Variants in DPP10 observed in about 807,000 individuals in gnomAD.
DPP10 encodes dipeptidyl peptidase like 10.
Under a neutral mutation model 120.9 loss-of-function variants are expected in DPP10, and 33 were observed. The ratio of observed to expected loss-of-function variants is 0.27; its 90% CI spans 0.21 to 0.37. The LOEUF (loss-of-function observed/expected upper bound fraction) is 0.37. Among genes scored for constraint, DPP10 ranks in the 10% least tolerant of loss-of-function variants. The pLI is 1.00. For synonymous variants in DPP10, 337 were observed against 326.1 expected (o/e 1.03, Z -0.36); for missense variants, 816 against 942.8 (o/e 0.87, Z 1.76).
chr2:115,061,853 A>G (rs911975382), intron 1 of DPP10, among the ~76,000 whole-genome samples: 1 of 152,162 alleles, frequency 6.6e-6, no homozygotes, highest in African/African-American at 2.4e-5. Context: ...CAGAGTAGAT[A>G]ATATGTCTTT....
Position 114,826,493 on chromosome 2 carries a change from A to G in DPP10, c.60+383655A>G, listed in dbSNP as rs1686546740. Among the ~76,000 whole-genome samples, 4 of 152,210 alleles carry G rather than the reference A, an allele frequency of 2.6e-5. No individual in the cohort carries two copies. The South Asian group carries it at 8.3e-4, about 32-fold the overall frequency. ...TTTATTTATCAAAATTTCATGTGGC[A>G]TGGGAGCTTTTGGAATTAAAGTTGC... On this transcript the variant is annotated intron_variant, in intron 1 of 25. Transcript: ENST00000410059.
intron 1 of DPP10, among the ~76,000 whole-genome samples, chr2:114,968,236 G>T (rs975950574): frequency 7.9e-5 from 12 of 152,208 alleles, no homozygotes; most frequent in Non-Finnish European, 1.5e-4. Context: ...GCTCTGAAAG[G>T]TATTCCTTAT....
chr2:115,091,248 T>C (rs1446845359), intron 1 of DPP10, among the ~76,000 whole-genome samples: 3 of 152,176 alleles, frequency 2.0e-5, no homozygotes, highest in Admixed American at 6.5e-5. Context: ...ATCTAAACCT[T>C]GTCTGGCTCC....
intron 3 of DPP10, among the ~76,000 whole-genome samples, chr2:115,383,220 G>T (rs1208982937): frequency 6.6e-6 from 1 of 152,154 alleles, no homozygotes; most frequent in Non-Finnish European, 1.5e-5. Context: ...GAGGTTCCTG[G>T]TGGGAAGTAA....
At chr2:115,160,398 GA>G (rs1221371512) in intron 1 of DPP10, among the ~76,000 whole-genome samples, 1 of 152,084 alleles carries the variant, frequency 6.6e-6, no homozygotes, top group Non-Finnish European at 1.5e-5. Context: ...TCGTGTTTTA[GA>G]AACTACTAAG....
chr2:115,007,874 G>T (rs144044809), intron 1 of DPP10, among the ~76,000 whole-genome samples: 147,211 of 150,740 alleles, frequency 0.98, 71,986 homozygotes, highest in Middle Eastern at 1. Flanking sequence ...TTACAAGGGA[G>T]GTGAAGGACC....
At chr2:115,706,457 A>G (rs1417872588) in intron 7 of DPP10, among the ~76,000 whole-genome samples, 1 of 151,968 alleles carries the variant, frequency 6.6e-6, no homozygotes, top group Non-Finnish European at 1.5e-5. Context: ...TAGATTTTCT[A>G]ACTGTTCACC....
chr2:114,941,592 T>G (rs1017365914), intron 1 of DPP10, among the ~76,000 whole-genome samples: 1 of 152,208 alleles, frequency 6.6e-6, no homozygotes, highest in Non-Finnish European at 1.5e-5. Context: ...CATTTTAAAT[T>G]TTTATATGCA....
chr2:115,543,049 T>G (rs1164067988), intron 5 of DPP10, among the ~76,000 whole-genome samples: 1 of 152,026 alleles, frequency 6.6e-6, no homozygotes, highest in African/African-American at 2.4e-5. Context: ...TATATTCTAT[T>G]ACTTTTCATC....
rs572172142 is a variant in DPP10, at chr2:114,493,498, C to T, written c.60+50660C>T. Reference sequence around the variant, plus strand: ...GAACCGGTAAGAGGACATAGAAACCCAGAAAGATAAGGGTACTTGCTCGAA... The same window carrying T: ...GAACCGGTAAGAGGACATAGAAACCTAGAAAGATAAGGGTACTTGCTCGAA... On this transcript the variant is annotated intron_variant, in intron 1 of 25. Coordinates refer to ENST00000410059, the MANE Select transcript of DPP10 (RefSeq NM_020868.6). 9.2e-5 allele frequency among the ~76,000 whole-genome samples: 14 copies of T among 152,100 alleles called. No individual in the cohort carries two copies. In the East Asian group the frequency reaches 2.7e-3, roughly 29 times the overall value.
Position 115,006,266 on chromosome 2 carries a change from T to C in DPP10, c.61-302973T>C, listed in dbSNP as rs368531227. Among the ~76,000 whole-genome samples, 190 of 151,828 alleles carry C rather than the reference T, an allele frequency of 1.3e-3. 1 individual carries two copies. The East Asian group carries it at 0.03, about 24-fold the overall frequency. On this transcript the variant is annotated intron_variant, in intron 1 of 25. Coordinates refer to ENST00000410059, the MANE Select transcript of DPP10 (RefSeq NM_020868.6). ...CGGTACCAGACACTGCAAAATCATG[T>C]CAAAATGTAAAGACCATCGAGACTA...
intron 5 of DPP10, among the ~76,000 whole-genome samples, chr2:115,541,704 C>T (rs1418458443): frequency 6.6e-6 from 1 of 151,694 alleles, no homozygotes; most frequent in Non-Finnish European, 1.5e-5. Context: ...ATCATAAATT[C>T]ATTCAATAAC....
At chr2:115,449,031 T>G (rs2104947184) in intron 3 of DPP10, among the ~76,000 whole-genome samples, 1 of 152,172 alleles carries the variant, frequency 6.6e-6, no homozygotes, top group South Asian at 2.1e-4. Context: ...ATAAAAAAAC[T>G]TCATTAAATA....
At chr2:115,011,564 T>TTTG (rs995187555) in intron 1 of DPP10, among the ~76,000 whole-genome samples, 2 of 152,148 alleles carry the variant, frequency 1.3e-5, no homozygotes, top group Non-Finnish European at 2.9e-5. Flanking sequence ...CACACAGCTT[T>TTTG]TTGTTGTTGT....
At chr2:115,505,126 A>G (rs2076873797) in intron 4 of DPP10, among the ~76,000 whole-genome samples, 1 of 152,144 alleles carries the variant, frequency 6.6e-6, no homozygotes, top group Non-Finnish European at 1.5e-5. Context: ...TATTGTCAAT[A>G]ATCATAGTGT....
chr2:114,647,452 TG>T (rs534568000), intron 1 of DPP10, among the ~76,000 whole-genome samples: 20 of 152,322 alleles, frequency 1.3e-4, no homozygotes, highest in Middle Eastern at 3.4e-3. Flanking sequence ...TTTCCCTAAC[TG>T]CTTCAACATT....
intron 1 of DPP10, among the ~76,000 whole-genome samples, chr2:114,866,568 C>T (rs571602855): frequency 1.3e-5 from 2 of 152,142 alleles, no homozygotes; most frequent in Admixed American, 6.5e-5. Flanking sequence ...CATGATGGCT[C>T]TATGAGGTAA....
chr2:114,466,743 G>A (rs868109861), intron 1 of DPP10, among the ~76,000 whole-genome samples: 16 of 152,056 alleles, frequency 1.1e-4, no homozygotes, highest in African/African-American at 3.9e-4. Flanking sequence ...TTGTCTGTTC[G>A]CTTTGAAAAG....
chr2:115,183,913 G>A (rs1358920078), intron 1 of DPP10, among the ~76,000 whole-genome samples: 1 of 152,132 alleles, frequency 6.6e-6, no homozygotes, highest in Non-Finnish European at 1.5e-5. Context: ...TTTCATGGGG[G>A]CCTCTAAAAG....
Sources: gnomAD v4.1 joint callset for allele counts (sites outside exome capture counted in the v4.1 genomes callset) on GRCh38, gnomAD v4.1.1 for gene constraint, MANE v1.5 for transcripts, NCBI Gene and HGNC (gene_info 2026-07-23, HGNC 2026-07-21) for gene names.